FNBP1L: variants seen among roughly 807,000 people sequenced by gnomAD.
The protein encoded by FNBP1L is formin binding protein 1 like, also known as formin-binding protein 1-like.
A neutral mutation model predicts 91.2 loss-of-function variants in FNBP1L; 36 were observed. The ratio of observed to expected loss-of-function variants is 0.39; its 90% CI spans 0.30 to 0.52. The LOEUF is 0.52. Among genes scored for constraint, FNBP1L ranks in the 20% least tolerant of loss-of-function variants. FNBP1L has a pLI of 0.66. For synonymous variants in FNBP1L, 242 were observed against 237.0 expected, an observed-to-expected ratio of 1.02 and a Z score of -0.19; for missense variants, 571 against 732.1, an observed-to-expected ratio of 0.78 and a Z score of 2.54.
At chr1:93,511,920 C>T (rs1670862856) in intron 2 of FNBP1L, among the ~76,000 whole-genome samples, 1 of 136,030 alleles carries the variant, frequency 7.4e-6, no homozygotes, top group Non-Finnish European at 1.5e-5. Context: ...GAGCCGAGAT[C>T]CCGCCACTGC....
chr1:93,469,678 T>C (rs770132807), intron 1 of FNBP1L, among the ~76,000 whole-genome samples: 8 of 152,244 alleles, frequency 5.3e-5, no homozygotes, highest in Non-Finnish European at 7.4e-5. Context: ...AAACTAATAT[T>C]GATGGCAGTG....
At chr1:93,476,864 C>T (rs1669514926) in intron 1 of FNBP1L, among the ~76,000 whole-genome samples, 1 of 152,122 alleles carries the variant, frequency 6.6e-6, no homozygotes, top group Non-Finnish European at 1.5e-5. Context: ...AGGTGACCAC[C>T]ATTCACAGGA....
At chr1:93,478,932 G>A (rs937615876) in intron 1 of FNBP1L, among the ~76,000 whole-genome samples, 1 of 152,184 alleles carries the variant, frequency 6.6e-6, no homozygotes, top group African/African-American at 2.4e-5. Flanking sequence ...TTAATGATTT[G>A]ACACATCCTG....
rs2101757976 is a variant in FNBP1L at position 93,530,783 on chromosome 1, A to G, written c.539A>G (p.His180Arg). The G allele has an allele frequency of 6.3e-7, 1 of 1,593,360 alleles. No homozygotes were observed. The highest frequency in any genetic ancestry group is 8.6e-7 in the Non-Finnish European group (1 of 1,168,530). ...AAACAGCAGTTGAATCTGCGTACGC[A>G]TATGGCCGATGAAAATAAAAATGAA... ...KAKQQLNLRTHMADENKNEYA... is the reference protein window; with the variant it reads ...KAKQQLNLRTRMADENKNEYA... Residue 180 changes from histidine (H) to arginine (R), a missense_variant, in exon 7 of 17, where the codon CAT becomes CGT. By Grantham distance (29) the His-to-Arg change is conservative. Transcript: ENST00000271234.
chr1:93,497,581 G>T (rs1670308632), intron 1 of FNBP1L, among the ~76,000 whole-genome samples: 1 of 152,024 alleles, frequency 6.6e-6, no homozygotes, highest in Admixed American at 6.6e-5. Flanking sequence ...AAATAATAAA[G>T]CATATTTGAT....
Position 93,472,695 on chromosome 1 carries a change from C to G in FNBP1L, c.24+24390C>G, listed in dbSNP as rs140107007. ...GGCGTGTTGGCGGGCGCCTGTAGTTCCAGCTACTCGGGAGGCTGAGGCAGG... is the reference window on the plus strand; with the variant it reads ...GGCGTGTTGGCGGGCGCCTGTAGTTGCAGCTACTCGGGAGGCTGAGGCAGG... On this transcript the variant is annotated intron_variant, in intron 1 of 16. Coordinates refer to ENST00000271234, the MANE Select transcript of FNBP1L (RefSeq NM_001164473.3). 9.3e-3 allele frequency among the ~76,000 whole-genome samples: 1,416 copies of G among 151,572 alleles called. 25 individuals are homozygous for G. Among genetic ancestry groups the G allele is most frequent in the African/African-American group, 0.033 (1,350 of 41,318 alleles).
At chr1:93,514,179 G>T (rs1670978831) in intron 2 of FNBP1L, among the ~76,000 whole-genome samples, 1 of 152,142 alleles carries the variant, frequency 6.6e-6, no homozygotes, top group South Asian at 2.1e-4. Flanking sequence ...GCTTCAAAGG[G>T]AATAAAATAC....
At chr1:93,486,340 A>T (rs932388187) in intron 1 of FNBP1L, among the ~76,000 whole-genome samples, 3 of 152,244 alleles carry the variant, frequency 2.0e-5, no homozygotes, top group Non-Finnish European at 4.4e-5. Flanking sequence ...AGATGTGCCC[A>T]GCTAGTTATT....
At chr1:93,498,755 C>G (rs942891657) in intron 1 of FNBP1L, among the ~76,000 whole-genome samples, 1 of 152,166 alleles carries the variant, frequency 6.6e-6, no homozygotes, top group Non-Finnish European at 1.5e-5. Context: ...CCTTGTAGGA[C>G]AGTGGTACTC....
chr1:93,458,393 G>GT (rs1668747147), intron 1 of FNBP1L, among the ~76,000 whole-genome samples: 1 of 152,152 alleles, frequency 6.6e-6, no homozygotes, highest in Admixed American at 6.5e-5. Context: ...GCCTCTCAAA[G>GT]TGTTGGGATT....
chr1:93,521,532 C>A (rs1671328473), intron 2 of FNBP1L, among the ~76,000 whole-genome samples: 2 of 152,124 alleles, frequency 1.3e-5, no homozygotes, highest in African/African-American at 4.8e-5. Flanking sequence ...TGCTCTCAGT[C>A]CCTCATATAA....
At chr1:93,519,861 G>A (rs560352827) in intron 2 of FNBP1L, among the ~76,000 whole-genome samples, 98 of 152,296 alleles carry the variant, frequency 6.4e-4, no homozygotes, top group Middle Eastern at 3.4e-3. Context: ...GTAGGCTGAG[G>A]CAGGAGGATC....
intron 2 of FNBP1L, among the ~76,000 whole-genome samples, chr1:93,520,694 T>C (rs933196533): frequency 1.3e-5 from 2 of 152,082 alleles, no homozygotes; most frequent in Admixed American, 1.3e-4. Context: ...TTGCACCATT[T>C]ATAGGAAATG....
intron 9 of FNBP1L, 90 bp downstream of exon 9, chr1:93,534,998 A>G (rs911594497): frequency 3.5e-5 from 34 of 983,764 alleles, no homozygotes; most frequent in Admixed American, 1.0e-4. Context: ...TTTACCATTA[A>G]TGGAGAATAA....
intron 1 of FNBP1L, among the ~76,000 whole-genome samples, chr1:93,463,730 A>G (rs1465585558): frequency 1.3e-5 from 2 of 152,210 alleles, no homozygotes; most frequent in African/African-American, 4.8e-5. Context: ...CAACTGGAGT[A>G]CAGTGATTAT....
intron 14 of FNBP1L, 73 bp downstream of exon 14, chr1:93,547,514 A>G (rs1672281765): frequency 4.6e-6 from 6 of 1,292,012 alleles, no homozygotes; most frequent in East Asian, 5.1e-5. Context: ...ACTTTATACA[A>G]TTCGTTTTTT....
intron 10 of FNBP1L, among the ~76,000 whole-genome samples, chr1:93,537,043 G>A (rs941809009): frequency 1.3e-5 from 2 of 151,860 alleles, no homozygotes; most frequent in Non-Finnish European, 2.9e-5. Flanking sequence ...AAATTGTAAA[G>A]CCTACAAAAA....
At chr1:93,481,178 T>G (rs931043725) in intron 1 of FNBP1L, among the ~76,000 whole-genome samples, 1 of 152,206 alleles carries the variant, frequency 6.6e-6, no homozygotes, top group Non-Finnish European at 1.5e-5. Context: ...TGTTTCTATG[T>G]GTAGAACAAA....
intron 2 of FNBP1L, among the ~76,000 whole-genome samples, chr1:93,509,343 G>C (rs963225930): frequency 1.3e-5 from 2 of 152,136 alleles, no homozygotes; most frequent in Non-Finnish European, 2.9e-5. Context: ...GAGCCCAGAG[G>C]GTTGTACACA....
Sources: gnomAD v4.1 joint callset for allele counts (sites outside exome capture counted in the v4.1 genomes callset) on GRCh38, gnomAD v4.1.1 for gene constraint, MANE v1.5 for transcripts, NCBI Gene and HGNC (gene_info 2026-07-23, HGNC 2026-07-21) for gene names.